Variants in AGBL1 observed in about 807,000 individuals in gnomAD.
AGBL1 encodes the protein cytosolic carboxypeptidase 4.
In AGBL1, 130 loss-of-function variants were observed where a neutral mutation model predicts 118.9. The observed-to-expected ratio is 1.09, with a 90% CI of 0.95 to 1.26. The LOEUF (loss-of-function observed/expected upper bound fraction) is 1.26. Ranked by LOEUF, AGBL1 falls within the 50% of genes most tolerant of loss-of-function variation. AGBL1 has a pLI of 0.00. For synonymous variants in AGBL1, 555 were observed against 478.9 expected (o/e 1.16, Z -2.08); for missense variants, 1,584 against 1,298.1 (o/e 1.22, Z -3.38).
At chr15:86,118,646 C>T (rs1897911924) in intron 1 of AGBL1, among the ~76,000 whole-genome samples, 1 of 152,014 alleles carries the variant, frequency 6.6e-6, no homozygotes, top group African/African-American at 2.4e-5. Flanking sequence ...AGAATGCTTT[C>T]CTGGAGGCTC....
intron 6 of AGBL1, among the ~76,000 whole-genome samples, chr15:86,247,105 C>T (rs2078733278): frequency 6.6e-6 from 1 of 152,148 alleles, no homozygotes; most frequent in African/African-American, 2.4e-5. Context: ...TGAAAATAAA[C>T]ATTGATACAA....
At chr15:86,320,197 G>A (rs899578744) in intron 17 of AGBL1, among the ~76,000 whole-genome samples, 4 of 150,588 alleles carry the variant, frequency 2.7e-5, no homozygotes, top group African/African-American at 7.5e-5. Context: ...TATTCCTATC[G>A]GGAAAAAAGG....
intron 18 of AGBL1, among the ~76,000 whole-genome samples, chr15:86,499,712 A>G (rs11073638): frequency 0.43 from 64,784 of 151,690 alleles, 15,173 homozygotes; most frequent in East Asian, 0.68. Context: ...TAGGAGGTAT[A>G]CATTTTAAAT....
chr15:86,771,245 G>C (rs1480203587), intron 22 of AGBL1, among the ~76,000 whole-genome samples: 4 of 152,040 alleles, frequency 2.6e-5, no homozygotes, highest in Non-Finnish European at 5.9e-5. Context: ...ATTAATCTAA[G>C]TATAAATAGT....
intron 22 of AGBL1, among the ~76,000 whole-genome samples, chr15:86,856,225 G>A (rs891284467): frequency 2.6e-5 from 4 of 152,108 alleles, no homozygotes; most frequent in African/African-American, 7.2e-5. Context: ...TGCCTCCCCA[G>A]AGGCTGAGAT....
At chr15:86,868,510 A>G (rs2079670074) in intron 22 of AGBL1, among the ~76,000 whole-genome samples, 1 of 152,258 alleles carries the variant, frequency 6.6e-6, no homozygotes, top group Non-Finnish European at 1.5e-5. Context: ...GTGTTGCACA[A>G]GGGACACATT....
chr15:86,895,599 A>G (rs950769962), intron 22 of AGBL1, among the ~76,000 whole-genome samples: 5 of 152,008 alleles, frequency 3.3e-5, no homozygotes, highest in Admixed American at 6.6e-5. Flanking sequence ...TTGACAAGAC[A>G]TAATTAATTT....
At chr15:86,681,177 C>T (rs923556557) in intron 22 of AGBL1, among the ~76,000 whole-genome samples, 1 of 152,030 alleles carries the variant, frequency 6.6e-6, no homozygotes, top group African/African-American at 2.4e-5. Context: ...CCTCCTTGCC[C>T]CAATTCATCA....
At chr15:87,027,432 A>T (rs8024660) in intron 24 of AGBL1, among the ~76,000 whole-genome samples, 1 of 151,344 alleles carries the variant, frequency 6.6e-6, no homozygotes, top group South Asian at 2.1e-4. Flanking sequence ...TACCCAGAGG[A>T]ATATAAATAA....
chr15:86,270,036 C>T lies in AGBL1; in HGVS notation c.1956C>T (p.Asn652=). The stretch of plus-strand genomic sequence containing the variant: ...TCCCTTACCACTTCAACATCATCAA[C>T]TGTGAGAAGCCCAACAGCCAGTTTA... ...AAIPYHFNII[N]CEKPNSQFNY... is the part of the protein sequence containing the mutation. Residue 652 remains asparagine (N), a synonymous_variant, in exon 14 of 23, where the codon AAC becomes AAT. Coordinates refer to ENST00000614907, the MANE Select transcript of AGBL1 (RefSeq NM_001386094.1). The T allele has an allele frequency of 1.2e-6, 2 of 1,613,042 alleles. No homozygotes were observed. The highest frequency in any genetic ancestry group is 1.7e-6 in the Non-Finnish European group (2 of 1,179,504).
intron 17 of AGBL1, among the ~76,000 whole-genome samples, chr15:86,370,998 T>G (rs1467427477): frequency 6.6e-6 from 1 of 151,972 alleles, no homozygotes; most frequent in African/African-American, 2.4e-5. Context: ...GACCTGACTT[T>G]GAGAATCATC....
intron 21 of AGBL1, among the ~76,000 whole-genome samples, chr15:86,624,250 A>G (rs2084851930): frequency 1.3e-5 from 2 of 152,242 alleles, no homozygotes; most frequent in African/African-American, 4.8e-5. Flanking sequence ...GGAAGTCACA[A>G]TCAAGAGCAA....
In AGBL1 at chr15:86,547,182, C is replaced by T. The variant is rs188495216; in HGVS notation, c.2817+1049C>T. The stretch of plus-strand genomic sequence containing the variant: ...CTCAACCAGAGTAATGGTGATAAAC[C>T]ATAAGAAGCTTAATAACTTAATCTT... On this transcript the variant is annotated intron_variant, in intron 20 of 22. Coordinates refer to ENST00000614907, the MANE Select transcript of AGBL1 (RefSeq NM_001386094.1). Among the ~76,000 whole-genome samples the T allele has an allele frequency of 5.8e-3, 886 of 152,164 alleles. 10 individuals are homozygous for T. Among genetic ancestry groups the T allele is most frequent in the Admixed American group, 0.012 (180 of 15,272 alleles).
intron 22 of AGBL1, among the ~76,000 whole-genome samples, chr15:86,719,013 C>G (rs1381187174): frequency 1.3e-5 from 2 of 152,160 alleles, no homozygotes; most frequent in African/African-American, 2.4e-5. Context: ...CTCAACACCC[C>G]TTTCCCCCCA....
chr15:86,538,026 A>G (rs1168206648), intron 19 of AGBL1, among the ~76,000 whole-genome samples: 1 of 152,228 alleles, frequency 6.6e-6, no homozygotes, highest in Non-Finnish European at 1.5e-5. Context: ...AAAGAACATT[A>G]TAATACATGC....
At chr15:86,759,101 C>G (rs2077986398) in intron 22 of AGBL1, among the ~76,000 whole-genome samples, 1 of 151,634 alleles carries the variant, frequency 6.6e-6, no homozygotes, top group Non-Finnish European at 1.5e-5. Context: ...TAATATGGAT[C>G]TCTTCGTATT....
At chr15:86,500,497 A>G (rs2082905373) in intron 18 of AGBL1, among the ~76,000 whole-genome samples, 1 of 139,572 alleles carries the variant, frequency 7.2e-6, no homozygotes, top group South Asian at 2.5e-4. Flanking sequence ...TTGCAATTAC[A>G]TTTTAAAAAT....
intron 6 of AGBL1, among the ~76,000 whole-genome samples, chr15:86,238,706 C>T (rs1295987187): frequency 6.6e-6 from 1 of 152,136 alleles, no homozygotes; most frequent in African/African-American, 2.4e-5. Context: ...AAACATATGC[C>T]TGAGGATTGA....
chr15:86,884,858 A>G (rs756613619), intron 22 of AGBL1, among the ~76,000 whole-genome samples: 2 of 152,180 alleles, frequency 1.3e-5, no homozygotes, highest in Non-Finnish European at 2.9e-5. Context: ...AAATGAGGTA[A>G]TTTATTTAAA....
Sources: allele counts gnomAD v4.1 joint callset (sites outside exome capture counted in the v4.1 genomes callset), GRCh38; gene constraint gnomAD v4.1.1; transcripts MANE v1.5; gene names NCBI Gene and HGNC (gene_info 2026-07-23, HGNC 2026-07-21).